Variants in REXO5 observed in about 807,000 individuals in gnomAD.
REXO5 encodes the protein exonuclease NEF-sp.
Under a neutral mutation model 88.5 loss-of-function variants are expected in REXO5, and 48 were observed. The ratio of observed to expected loss-of-function variants is 0.54; its 90% CI spans 0.43 to 0.69. The LOEUF is 0.69. Among genes scored for constraint, REXO5 ranks in the 30% least tolerant of loss-of-function variants. REXO5 has a pLI of 0.00. For synonymous variants in REXO5, 311 were observed against 336.5 expected (o/e 0.92, Z 0.83); for missense variants, 749 against 912.2 (o/e 0.82, Z 2.30).
intron 11 of REXO5, among the ~76,000 whole-genome samples, chr16:20,828,905 C>G (rs1333208065): frequency 6.7e-6 from 1 of 149,936 alleles, no homozygotes; most frequent in East Asian, 2.0e-4. Context: ...GATTGCACCA[C>G]TGCACTCCAG....
rs1347673311 is a variant in REXO5, at chr16:20,816,158, G to A, written c.421G>A (p.Val141Ile). ...PPPSSDFLAD[V>I]VGLQTEQRAG... ...ACCATCATCTGATTTTCTAGCTGAT[G>A]TTGTTGGGCTACAAACTGAACAAAG... The change falls in exon 5 of 20, where the codon GTT becomes ATT. Residue 141 changes from valine to isoleucine, a missense_variant. Transcript: ENST00000261377. 4 of 1,613,974 alleles carry A rather than the reference G, an allele frequency of 2.5e-6. No homozygotes were observed. Among genetic ancestry groups the A allele is most frequent in the East Asian group, 2.2e-5 (1 of 44,890 alleles).
intron 9 of REXO5, 54 bp downstream of exon 9, chr16:20,827,250 A>T: frequency 6.2e-7 from 1 of 1,610,432 alleles, no homozygotes; most frequent in Non-Finnish European, 8.5e-7. Context: ...TGTTCCATTT[A>T]TCTCAAATCT....
At chr16:20,825,694 A>T in intron 7 of REXO5, 139 bp from the exon 8 acceptor site, 1 of 618,536 alleles carries the variant, frequency 1.6e-6, no homozygotes, top group Non-Finnish European at 2.9e-6. Context: ...CTCACACTAG[A>T]TCCTCTAGAA....
rs746315763 is a variant in REXO5 at position 20,845,110 on chromosome 16, T to C, written c.1993T>C (p.Trp665Arg). 3.1e-6 allele frequency: 5 copies of C among 1,614,126 alleles called. No individual in the cohort carries two copies. The highest frequency in any genetic ancestry group is 4.2e-6 in the Non-Finnish European group (5 of 1,180,012). Residue 665 changes from tryptophan (W) to arginine (R), a missense_variant, in exon 18 of 20, where the codon TGG becomes CGG. Physicochemically the swap from Trp to Arg is moderately radical, Grantham distance 101. Coordinates refer to ENST00000261377, the MANE Select transcript of REXO5 (RefSeq NM_030941.3). ...QALNILTGKDWKLKGRHALTP... is the reference protein window; with the variant it reads ...QALNILTGKDRKLKGRHALTP... The stretch of plus-strand genomic sequence containing the variant: ...CCTCAACATTCTCACAGGCAAGGAC[T>C]GGAAGCTGAAAGGCAGGCATGCCCT...
Position 20,806,982 on chromosome 16 carries a change from G to T in REXO5, c.29G>T (p.Arg10Ile). ...GAGCCAGAGAGGGAAGGGACCGAGA[G>T]ACACCCCAGGAAGGTCAGGGAAAGC... MEPEREGTE[R>I]HPRKVRESRQ... The change falls in exon 2 of 20, where the codon AGA becomes ATA. Residue 10 changes from arginine (R) to isoleucine (I), a missense_variant. Arg to Ile is a moderately conservative substitution (Grantham distance 97). Coordinates refer to ENST00000261377, the MANE Select transcript of REXO5 (RefSeq NM_030941.3). 2 of 1,598,852 alleles carry T rather than the reference G, an allele frequency of 1.3e-6. No individual in the cohort carries two copies. Among genetic ancestry groups the T allele is most frequent in the Non-Finnish European group, 1.7e-6 (2 of 1,172,734 alleles).
intron 16 of REXO5, 77 bp from the exon 17 acceptor site, chr16:20,844,552 G>A: frequency 7.9e-7 from 1 of 1,259,492 alleles, no homozygotes. Context: ...ATTAGTAATG[G>A]CAACAACTTG....
At position 20,833,526 on chromosome 16, in the gene REXO5, CT is replaced by C. The variant is rs1490639671; in HGVS notation, c.1383+404del. 2.0e-5 allele frequency among the ~76,000 whole-genome samples: 3 copies of C among 152,058 alleles called. No homozygotes were observed. The East Asian group carries it at 5.8e-4, about 29-fold the overall frequency. On this transcript the variant is annotated intron_variant, in intron 13 of 19. Transcript: ENST00000261377. Reference sequence around the variant, plus strand: ...TATTATGTTATCATATTCAGAAGATCTGTGTTTGTTTTTTTTTAACATTTTG... The same window carrying C: ...TATTATGTTATCATATTCAGAAGATCGTGTTTGTTTTTTTTTAACATTTTG...
intron 13 of REXO5, among the ~76,000 whole-genome samples, chr16:20,839,204 C>G (rs1370874611): frequency 1.3e-5 from 2 of 152,230 alleles, no homozygotes; most frequent in Non-Finnish European, 2.9e-5. Flanking sequence ...CTCTATATAT[C>G]TGATTCTTCT....
chr16:20,813,356 T>C, intron 3 of REXO5, 54 bp downstream of exon 3: 2 of 942,884 alleles, frequency 2.1e-6, no homozygotes, highest in South Asian at 1.5e-5. Context: ...TTTTTTTTTT[T>C]TTTTTTTTAC....
Position 20,832,181 on chromosome 16 carries a change from T to A in REXO5, c.1184T>A (p.Leu395Gln). 1.2e-6 allele frequency: 2 copies of A among 1,610,658 alleles called. No homozygotes were observed. The highest frequency in any genetic ancestry group is 1.7e-6 in the Non-Finnish European group (2 of 1,178,260). ...ATTGCAGAACTAAATCTAGAAGCAC[T>A]AGCTAATCACCAAGAAATACAAGCA... is the stretch of plus-strand genomic sequence containing the variant. ...KKIAELNLEALANHQEIQAAG... is the reference protein window; with the variant it reads ...KKIAELNLEAQANHQEIQAAG... Residue 395 changes from leucine to glutamine, a missense_variant, in exon 12 of 20, where the codon CTA (leucine) becomes CAA (glutamine). Leu to Gln is a moderately radical substitution (Grantham distance 113, BLOSUM62 -2). Transcript: ENST00000261377.
intron 13 of REXO5, among the ~76,000 whole-genome samples, chr16:20,833,388 T>A (rs553701339): frequency 6.6e-6 from 1 of 152,340 alleles, no homozygotes; most frequent in African/African-American, 2.4e-5. Context: ...TTCTGGTTCA[T>A]GGAAACGTTT....
chr16:20,826,017 G>A, intron 8 of REXO5, 69 bp downstream of exon 8: 1 of 970,826 alleles, frequency 1.0e-6, no homozygotes, highest in Non-Finnish European at 1.6e-6. Context: ...CTTAAGAATG[G>A]CCCACAGCTT....
At chr16:20,821,089 T>A (rs2081177309) in intron 5 of REXO5, 1 of 152,242 alleles carries the variant, frequency 6.6e-6, no homozygotes, top group African/African-American at 2.4e-5. Flanking sequence ...GGGTGGAGTA[T>A]ATTTAGCTAG....
chr16:20,839,527 G>A (rs758173075), intron 13 of REXO5, among the ~76,000 whole-genome samples: 2 of 152,188 alleles, frequency 1.3e-5, no homozygotes, highest in South Asian at 2.1e-4. Context: ...TAGTAATGCC[G>A]AAGGTATGGC....
At chr16:20,811,106 T>A (rs1206215556) in intron 2 of REXO5, among the ~76,000 whole-genome samples, 1 of 152,132 alleles carries the variant, frequency 6.6e-6, no homozygotes, top group East Asian at 1.9e-4. Flanking sequence ...CAGAGCACCC[T>A]CCTGCATGAA....
At chr16:20,808,451 T>G (rs962803613) in intron 2 of REXO5, among the ~76,000 whole-genome samples, 3 of 151,580 alleles carry the variant, frequency 2.0e-5, no homozygotes, top group African/African-American at 7.3e-5. Context: ...CACCCAGCTA[T>G]TCATTGGTTT....
intron 5 of REXO5, among the ~76,000 whole-genome samples, chr16:20,819,835 G>T (rs967058695): frequency 6.6e-6 from 1 of 151,862 alleles, no homozygotes; most frequent in African/African-American, 2.4e-5. Context: ...TAAGCTCACT[G>T]CAGTCTCAAA....
rs751253451 is a variant in REXO5, at chr16:20,840,444, G to C, written c.1602G>C (p.Met534Ile). Residue 534 changes from methionine to isoleucine, a missense_variant, in exon 15 of 20, where the codon ATG becomes ATC. Coordinates refer to ENST00000261377, the MANE Select transcript of REXO5 (RefSeq NM_030941.3). ...AAAGCTTTGGCCCAGTCCAGTCAAT[G>C]ACTTTTGTTCTTGAAACCCGTCAGG... is the stretch of plus-strand genomic sequence containing the variant. ...LFKSFGPVQS[M>I]TFVLETRQPH... is the part of the protein sequence containing the mutation. The C allele has an allele frequency of 6.4e-7, 1 of 1,560,114 alleles. No homozygotes were observed. The highest frequency in any genetic ancestry group is 1.2e-5 in the South Asian group (1 of 82,936).
intron 15 of REXO5, among the ~76,000 whole-genome samples, chr16:20,843,658 A>G (rs1440494013): frequency 6.6e-6 from 1 of 152,246 alleles, no homozygotes; most frequent in Non-Finnish European, 1.5e-5. Context: ...CGTGACTTGC[A>G]GTGATGACTT....
Sources: gnomAD v4.1 joint callset for allele counts (sites outside exome capture counted in the v4.1 genomes callset) on GRCh38, gnomAD v4.1.1 for gene constraint, MANE v1.5 for transcripts, NCBI Gene and HGNC (gene_info 2026-07-23, HGNC 2026-07-21) for gene names.